The following BPIFB3 variants were observed in gnomAD, a reference collection of about 807,000 sequenced individuals.
BPIFB3 encodes BPI fold-containing family B member 3.
A neutral mutation model predicts 53.1 loss-of-function variants in BPIFB3; 49 were observed. The observed-to-expected ratio is 0.92, with a 90% CI of 0.73 to 1.17. BPIFB3 has a LOEUF of 1.17. Ranked by LOEUF, BPIFB3 falls within the 50% of genes most tolerant of loss-of-function variation. BPIFB3 has a pLI of 0.00. For missense variants in BPIFB3, 628 were observed against 592.5 expected (o/e 1.06, Z -0.62); for synonymous variants, 271 against 269.6 (o/e 1.01, Z -0.05).
intron 12 of BPIFB3, among the ~76,000 whole-genome samples, chr20:33,071,556 TCA>T (rs1408330068): frequency 6.6e-6 from 1 of 152,114 alleles, no homozygotes; most frequent in African/African-American, 2.4e-5. Context: ...TCTTGGAACC[TCA>T]CAAAGTTGTG....
At chr20:33,067,976 G>A (rs2146389900) in intron 9 of BPIFB3, among the ~76,000 whole-genome samples, 1 of 152,294 alleles carries the variant, frequency 6.6e-6, no homozygotes, top group Admixed American at 6.5e-5. Flanking sequence ...AGCTTCTGTG[G>A]TTCTGTAATT....
At chr20:33,064,159 G>C (rs562068275) in intron 6 of BPIFB3, among the ~76,000 whole-genome samples, 1 of 152,180 alleles carries the variant, frequency 6.6e-6, no homozygotes, top group South Asian at 2.1e-4. Flanking sequence ...ACTTGGGGCC[G>C]GTATGTCTCT....
At chr20:33,068,669 C>G (rs973429387) in intron 9 of BPIFB3, 134 bp from the exon 11 acceptor site, 2 of 904,222 alleles carry the variant, frequency 2.2e-6, no homozygotes, top group Non-Finnish European at 3.3e-6. Flanking sequence ...TGAGCCCAGG[C>G]CTGTGTCTTT....
In BPIFB3 at chr20:33,066,736, G is replaced by A; in HGVS notation, c.925-88G>A. 3 of 1,252,540 alleles carry A rather than the reference G, an allele frequency of 2.4e-6. 1 individual carries two copies. The highest frequency in any genetic ancestry group is 3.5e-6 in the Non-Finnish European group (3 of 852,954). 77.6% of individuals were successfully genotyped at this position (1,252,540 alleles called of 1,614,324 possible). A position where few individuals can be genotyped will look rare whatever the true frequency, so the allele number is the denominator to read the frequency against. On this transcript the variant is annotated intron_variant, in intron 8 of 14. Transcript: ENST00000375494. The stretch of plus-strand genomic sequence containing the variant: ...TATGAAATTGGCAGGGTAGGGGGAA[G>A]AGTGGTGAACGAAACTGCTCTGAGT...
chr20:33,064,691 A>G, exon 8 of BPIFB3: 1 of 1,613,834 alleles, frequency 6.2e-7, no homozygotes, highest in South Asian at 1.1e-5. Flanking sequence ...GTAGCTGGTG[A>G]TATCATTGAC....
chr20:33,058,182 C>A (rs1980297415), intron 2 of BPIFB3, among the ~76,000 whole-genome samples: 2 of 152,266 alleles, frequency 1.3e-5, no homozygotes, highest in South Asian at 4.1e-4. Flanking sequence ...AAGGCTGAAG[C>A]CCAGTGTATG....
exon 1 of BPIFB3, chr20:33,055,444 C>G (rs774712864): frequency 6.2e-7 from 1 of 1,613,618 alleles, no homozygotes; most frequent in Non-Finnish European, 8.5e-7. Flanking sequence ...TCATGCTGGC[C>G]CTGTGGTCCC....
At position 33,063,729 on chromosome 20, in the gene BPIFB3, A is replaced by T. The variant is rs1600540422; in HGVS notation, c.652+54A>T. 2.5e-6 allele frequency: 4 copies of T among 1,571,396 alleles called. No individual in the cohort carries two copies. In the East Asian group the frequency reaches 9.2e-5, roughly 36 times the overall value. ...TGCCCCTTCTACCCGTCTCTGTATG[A>T]CCCCAATGGGGTAGGGTACGAAGGG... is the stretch of plus-strand genomic sequence containing the variant. On this transcript the variant is annotated intron_variant, in intron 6 of 14. Transcript: ENST00000375494.
chr20:33,062,550 G>A (rs985381150), intron 5 of BPIFB3, among the ~76,000 whole-genome samples: 1 of 152,214 alleles, frequency 6.6e-6, no homozygotes, highest in Non-Finnish European at 1.5e-5. Context: ...ACCATGTCAG[G>A]CAGGTTTCCA....
At chr20:33,066,774 T>C (rs749462944) in intron 8 of BPIFB3, 50 bp from the exon 10 acceptor site, 14 of 1,574,720 alleles carry the variant, frequency 8.9e-6, no homozygotes, top group Non-Finnish European at 1.1e-5. Flanking sequence ...GCTGAGGGAT[T>C]CCTGTTCTGT....
At chr20:33,073,508 A>G in intron 14 of BPIFB3, 68 bp from the exon 16 acceptor site, 1 of 1,578,892 alleles carries the variant, frequency 6.3e-7, no homozygotes, top group Non-Finnish European at 8.7e-7. Flanking sequence ...CAGGGGAGTA[A>G]AGATGGCTGC....
chr20:33,070,018 A>T, intron 11 of BPIFB3, 63 bp downstream of exon 12: 1 of 1,568,744 alleles, frequency 6.4e-7, no homozygotes, highest in African/African-American at 1.3e-5. Flanking sequence ...TTAGGGGCTG[A>T]CAGGATCCGC....
chr20:33,055,697 G>T, intron 1 of BPIFB3, 150 bp downstream of exon 2: 1 of 1,210,500 alleles, frequency 8.3e-7, no homozygotes. Context: ...TAGCTGTGCA[G>T]GAGTGAAAGT....
intron 5 of BPIFB3, among the ~76,000 whole-genome samples, chr20:33,062,853 T>C (rs1158153017): frequency 6.6e-6 from 1 of 152,188 alleles, no homozygotes; most frequent in Non-Finnish European, 1.5e-5. Flanking sequence ...TGGTCTCCTC[T>C]CATTTCTGTG....
At position 33,064,568 on chromosome 20, in the gene BPIFB3, T is replaced by G; in HGVS notation, c.744+20T>G. The G allele has an allele frequency of 6.2e-7, 1 of 1,612,942 alleles. No individual in the cohort carries two copies. The highest frequency in any genetic ancestry group is 8.5e-7 in the Non-Finnish European group (1 of 1,179,036). Reference sequence around the variant, plus strand: ...ATCAACGTGAGTAACCAGAGGGGCCTCTCCTCCTGCTGGGGGTGGCTAGAT... The same window carrying G: ...ATCAACGTGAGTAACCAGAGGGGCCGCTCCTCCTGCTGGGGGTGGCTAGAT... On this transcript the variant is annotated intron_variant, in intron 7 of 14. Coordinates refer to ENST00000375494, the Ensembl canonical transcript of BPIFB3.
intron 3 of BPIFB3, 51 bp downstream of exon 4, chr20:33,059,533 G>C (rs1447061912): frequency 7.3e-7 from 1 of 1,364,410 alleles, no homozygotes; most frequent in Admixed American, 1.9e-5. Context: ...CCCACCCCCT[G>C]ACCTGTTGGA....
intron 2 of BPIFB3, among the ~76,000 whole-genome samples, chr20:33,058,212 G>A (rs1005994937): frequency 6.6e-6 from 1 of 152,232 alleles, no homozygotes; most frequent in African/African-American, 2.4e-5. Flanking sequence ...CACTGGACAG[G>A]AGGCAATGGG....
chr20:33,066,378 T>G (rs1568995346), intron 8 of BPIFB3, among the ~76,000 whole-genome samples: 1 of 152,198 alleles, frequency 6.6e-6, no homozygotes, highest in Non-Finnish European at 1.5e-5. Flanking sequence ...AAATTCATAG[T>G]TTTTGAAAAT....
At position 33,063,425 on chromosome 20, in the gene BPIFB3, A is replaced by G. The variant is rs547962461; in HGVS notation, c.592-190A>G. Reference sequence around the variant, plus strand: ...GGGAAGACAGCTTGGGGGCCACCCAACCCTCTGACACCTCAAGCCCCCAGC... The same window carrying G: ...GGGAAGACAGCTTGGGGGCCACCCAGCCCTCTGACACCTCAAGCCCCCAGC... On this transcript the variant is annotated intron_variant, in intron 5 of 14. Transcript: ENST00000375494. 3.2e-4 allele frequency among the ~76,000 whole-genome samples: 49 copies of G among 151,980 alleles called. 1 individual carries two copies. In the South Asian group the frequency reaches 9.2e-3, roughly 28 times the overall value.
Sources: gnomAD v4.1 joint callset for allele counts (sites outside exome capture counted in the v4.1 genomes callset) on GRCh38, gnomAD v4.1.1 for gene constraint, MANE v1.5 for transcripts, NCBI Gene and HGNC (gene_info 2026-07-23, HGNC 2026-07-21) for gene names.